SORCS3: variants seen among roughly 807,000 people sequenced by gnomAD.
The protein encoded by SORCS3 is VPS10 domain-containing receptor SorCS3.
SORCS3 carries 57 observed loss-of-function variants against 146.3 expected under a neutral mutation model. That is an observed-to-expected ratio of 0.39 (90% confidence interval 0.31 to 0.49). The LOEUF (loss-of-function observed/expected upper bound fraction) is 0.49. Ranked by LOEUF, SORCS3 falls within the 20% of genes least tolerant of loss-of-function variation. The pLI, the probability that SORCS3 is intolerant of heterozygous loss-of-function variation, is 0.92. For missense variants in SORCS3, 1,341 were observed against 1,575.5 expected, an observed-to-expected ratio of 0.85 and a Z score of 2.52; for synonymous variants, 653 against 618.5, an observed-to-expected ratio of 1.06 and a Z score of -0.83.
chr10:105,102,442 ACC>A (rs1224760019), intron 6 of SORCS3, among the ~76,000 whole-genome samples: 3 of 152,180 alleles, frequency 2.0e-5, no homozygotes, highest in Admixed American at 1.3e-4. Context: ...AAAAACAAAT[ACC>A]ACATGTTCTC....
chr10:104,816,193 C>T (rs548318761), intron 1 of SORCS3, among the ~76,000 whole-genome samples: 6 of 152,234 alleles, frequency 3.9e-5, no homozygotes, highest in African/African-American at 1.4e-4. Flanking sequence ...ATACAGTATT[C>T]GCAGGAGGAT....
At chr10:105,176,517 C>T (rs958297876) in intron 13 of SORCS3, among the ~76,000 whole-genome samples, 2 of 152,022 alleles carry the variant, frequency 1.3e-5, no homozygotes, top group Admixed American at 6.6e-5. Context: ...CACGCCGATG[C>T]ACTCCAGCCT....
At chr10:105,179,553 T>C (rs891139448) in intron 14 of SORCS3, among the ~76,000 whole-genome samples, 57 of 152,322 alleles carry the variant, frequency 3.7e-4, no homozygotes, top group African/African-American at 1.3e-3. Context: ...TTAAGATGGA[T>C]CTTGGAAGTA....
chr10:104,875,263 G>A (rs1480373091), intron 2 of SORCS3, among the ~76,000 whole-genome samples: 5 of 152,222 alleles, frequency 3.3e-5, no homozygotes, highest in African/African-American at 1.2e-4. Flanking sequence ...AGTGGGATAT[G>A]CATTGCATCA....
intron 20 of SORCS3, 124 bp from the exon 21 acceptor site, chr10:105,245,418 T>C (rs2056859930): frequency 1.7e-6 from 2 of 1,150,936 alleles, no homozygotes; most frequent in Non-Finnish European, 1.3e-6. Flanking sequence ...AGAAACGGTA[T>C]AACGTTTGTT....
intron 6 of SORCS3, among the ~76,000 whole-genome samples, chr10:105,090,848 G>A (rs1240392678): frequency 2.6e-5 from 4 of 152,290 alleles, no homozygotes; most frequent in East Asian, 1.9e-4. Context: ...AATGGAAGGC[G>A]ATTCTGTTTT....
chr10:105,250,418 A>G (rs1307694220), intron 22 of SORCS3, among the ~76,000 whole-genome samples: 2 of 152,156 alleles, frequency 1.3e-5, no homozygotes. Context: ...AATAATAATA[A>G]TCAGTCCTGT....
At position 105,255,816 on chromosome 10, in the gene SORCS3, G is replaced by A. The variant is rs779478306; in HGVS notation, c.3337+15G>A. 3 of 1,580,398 alleles carry A rather than the reference G, an allele frequency of 1.9e-6. No individual in the cohort carries two copies. The highest frequency in any genetic ancestry group is 2.6e-6 in the Non-Finnish European group (3 of 1,151,300). On this transcript the variant is annotated intron_variant, in intron 24 of 26. Coordinates refer to ENST00000369701, the MANE Select transcript of SORCS3 (RefSeq NM_014978.3). The stretch of plus-strand genomic sequence containing the variant: ...GCTGACGTTAGGTGAGTGCCACTGG[G>A]AACTGGGGAAATGGGAAAGAGGATC...
chr10:105,165,023 A>G (rs773910991), intron 12 of SORCS3, among the ~76,000 whole-genome samples: 2 of 152,202 alleles, frequency 1.3e-5, no homozygotes, highest in South Asian at 2.1e-4. Context: ...CACTTGAAAT[A>G]TGACTACTGT....
Position 105,214,571 on chromosome 10 carries a change from A to G in SORCS3, c.2505A>G (p.Ala835=), listed in dbSNP as rs758659930. The G allele has an allele frequency of 6.2e-7, 1 of 1,608,418 alleles. No homozygotes were observed. The highest frequency in any genetic ancestry group is 1.7e-5 in the Admixed American group (1 of 59,010). Residue 835 remains alanine (A), a synonymous_variant, in exon 18 of 27, where the codon GCA becomes GCG. Transcript: ENST00000369701. ...TGACGACCGATGGGCGGCTGGTGGC[A>G]GAGCAGGGGCACAATGCAACTTTCA... ...HVVTTDGRLV[A]EQGHNATFII...
intron 23 of SORCS3, among the ~76,000 whole-genome samples, chr10:105,254,927 G>A (rs561741050): frequency 1.3e-5 from 2 of 152,074 alleles, no homozygotes; most frequent in South Asian, 4.1e-4. Context: ...GGTGGCTCAC[G>A]CCTGTAATCC....
chr10:105,252,749 C>G (rs757828986), intron 22 of SORCS3, 26 bp from the exon 23 acceptor site: 1 of 1,613,490 alleles, frequency 6.2e-7, no homozygotes, highest in Admixed American at 1.7e-5. Flanking sequence ...CCTCCACAGC[C>G]TCTCTTTGTC....
At chr10:105,004,000 CTTT>C (rs1226455197) in intron 4 of SORCS3, among the ~76,000 whole-genome samples, 1 of 140,226 alleles carries the variant, frequency 7.1e-6, no homozygotes, top group Non-Finnish European at 1.5e-5. Flanking sequence ...TCTTCTCTCT[CTTT>C]TTTTTTTTTT....
At chr10:104,886,374 TA>T (rs2018683919) in intron 2 of SORCS3, among the ~76,000 whole-genome samples, 1 of 152,212 alleles carries the variant, frequency 6.6e-6, no homozygotes, top group Admixed American at 6.5e-5. Context: ...AATATCTTTA[TA>T]ACAGGGATAA....
chr10:105,032,515 G>A (rs2055276140), intron 4 of SORCS3, among the ~76,000 whole-genome samples: 1 of 152,022 alleles, frequency 6.6e-6, no homozygotes, highest in South Asian at 2.1e-4. Context: ...GAATTTGAAT[G>A]AACTCAGATT....
At chr10:105,215,581 C>T (rs1739569244) in intron 18 of SORCS3, among the ~76,000 whole-genome samples, 1 of 152,192 alleles carries the variant, frequency 6.6e-6, no homozygotes, top group Non-Finnish European at 1.5e-5. Flanking sequence ...ATCACATTTC[C>T]ACTAGGGAGT....
At chr10:105,026,035 CA>C (rs2055227577) in intron 4 of SORCS3, among the ~76,000 whole-genome samples, 1 of 152,150 alleles carries the variant, frequency 6.6e-6, no homozygotes, top group Non-Finnish European at 1.5e-5. Context: ...AGTACAGCAG[CA>C]AATTGTCACT....
chr10:104,984,297 A>T (rs1273515669), intron 4 of SORCS3, among the ~76,000 whole-genome samples: 1 of 152,190 alleles, frequency 6.6e-6, no homozygotes, highest in Non-Finnish European at 1.5e-5. Flanking sequence ...CATAAGGACA[A>T]TTTGAAAAAA....
intron 1 of SORCS3, among the ~76,000 whole-genome samples, chr10:104,649,211 TA>T (rs1451868278): frequency 7.1e-6 from 1 of 140,488 alleles, no homozygotes; most frequent in Non-Finnish European, 1.6e-5. Context: ...ACATACTAAA[TA>T]AGATCAATGG....
Sources: gnomAD v4.1 joint callset for allele counts (sites outside exome capture counted in the v4.1 genomes callset) on GRCh38, gnomAD v4.1.1 for gene constraint, MANE v1.5 for transcripts, NCBI Gene and HGNC (gene_info 2026-07-23, HGNC 2026-07-21) for gene names.